The following ARHGAP32 variants were observed in gnomAD, a reference collection of about 807,000 sequenced individuals.
The protein encoded by ARHGAP32 is Rho GTPase activating protein 32, also known as rho GTPase-activating protein 32.
In ARHGAP32, 51 loss-of-function variants were observed where a neutral mutation model predicts 186.5. The ratio of observed to expected loss-of-function variants is 0.27; its 90% CI spans 0.22 to 0.35. The LOEUF is 0.35. ARHGAP32 is among the 10% of genes least tolerant of loss of function. ARHGAP32 has a pLI of 1.00. For synonymous variants in ARHGAP32, 950 were observed against 964.3 expected, an observed-to-expected ratio of 0.99 and a Z score of 0.27; for missense variants, 2,186 against 2,623.5, an observed-to-expected ratio of 0.83 and a Z score of 3.64.
intron 1 of ARHGAP32, among the ~76,000 whole-genome samples, chr11:129,242,559 A>C (rs1305110119): frequency 1.3e-5 from 2 of 151,996 alleles, no homozygotes. Flanking sequence ...TCTACTAAAA[A>C]TACAAAAAAT....
At chr11:129,041,374 T>C (rs1939585351) in intron 10 of ARHGAP32, among the ~76,000 whole-genome samples, 1 of 152,254 alleles carries the variant, frequency 6.6e-6, no homozygotes, top group East Asian at 1.9e-4. Flanking sequence ...AATCCAGTTA[T>C]GTTGATACCT....
intron 5 of ARHGAP32, among the ~76,000 whole-genome samples, chr11:129,098,174 C>G (rs974512838): frequency 2.0e-5 from 3 of 152,144 alleles, no homozygotes; most frequent in African/African-American, 7.2e-5. Context: ...ACCTGCCAAA[C>G]AGAAATTCTC....
At chr11:129,124,587 C>A (rs755802701) in intron 3 of ARHGAP32, among the ~76,000 whole-genome samples, 1 of 152,054 alleles carries the variant, frequency 6.6e-6, no homozygotes, top group African/African-American at 2.4e-5. Flanking sequence ...CAGAAAATGA[C>A]ATAAGTTGCT....
At chr11:129,247,203 T>G (rs1292659680) in intron 1 of ARHGAP32, among the ~76,000 whole-genome samples, 3 of 152,088 alleles carry the variant, frequency 2.0e-5, no homozygotes, top group Non-Finnish European at 4.4e-5. Context: ...CGCCCCCATA[T>G]AAACAACTCT....
At chr11:129,137,145 A>G (rs2022924599) in intron 2 of ARHGAP32, among the ~76,000 whole-genome samples, 1 of 151,940 alleles carries the variant, frequency 6.6e-6, no homozygotes, top group African/African-American at 2.4e-5. Flanking sequence ...ATGAACTGAA[A>G]AAAAAAAGCA....
chr11:129,122,643 AG>A (rs1440218537), intron 5 of ARHGAP32, among the ~76,000 whole-genome samples: 1 of 152,148 alleles, frequency 6.6e-6, no homozygotes, highest in African/African-American at 2.4e-5. Context: ...TAAATCCTAT[AG>A]ATCAAATTCA....
chr11:129,089,493 T>A (rs1184971084), intron 6 of ARHGAP32, among the ~76,000 whole-genome samples: 4 of 152,126 alleles, frequency 2.6e-5, no homozygotes, highest in Non-Finnish European at 4.4e-5. Flanking sequence ...CATGGGATGA[T>A]CAAAGTACAG....
chr11:129,049,886 T>C (rs905111433), intron 10 of ARHGAP32, among the ~76,000 whole-genome samples: 1 of 152,204 alleles, frequency 6.6e-6, no homozygotes, highest in Admixed American at 6.5e-5. Context: ...TGTAAACAGT[T>C]AGATCGTGTG....
chr11:129,273,800 C>T (rs1044307410), intron 1 of ARHGAP32, among the ~76,000 whole-genome samples: 1 of 152,094 alleles, frequency 6.6e-6, no homozygotes, highest in African/African-American at 2.4e-5. Flanking sequence ...AAGGATTTTA[C>T]TATTTTTAGG....
At chr11:129,225,297 G>T (rs1944765471) in intron 1 of ARHGAP32, among the ~76,000 whole-genome samples, 1 of 152,056 alleles carries the variant, frequency 6.6e-6, no homozygotes, top group Non-Finnish European at 1.5e-5. Flanking sequence ...ACATGTACAG[G>T]GCTGTGTGTA....
intron 1 of ARHGAP32, among the ~76,000 whole-genome samples, chr11:129,278,376 G>A (rs1278747699): frequency 1.3e-5 from 2 of 152,146 alleles, no homozygotes; most frequent in Non-Finnish European, 2.9e-5. Flanking sequence ...TTCTGCTTGG[G>A]TCTCCTCCTT....
At chr11:129,207,308 C>T (rs937736341) in intron 1 of ARHGAP32, among the ~76,000 whole-genome samples, 2 of 152,110 alleles carry the variant, frequency 1.3e-5, no homozygotes, top group African/African-American at 2.4e-5. Context: ...CTTGAGGAAT[C>T]GTCACACTGT....
At chr11:129,180,829 G>A (rs922215013) in intron 1 of ARHGAP32, among the ~76,000 whole-genome samples, 2 of 152,078 alleles carry the variant, frequency 1.3e-5, no homozygotes, top group African/African-American at 4.8e-5. Flanking sequence ...AAAAATAGGA[G>A]AGAAAACTAC....
At chr11:129,181,664 G>A (rs953950489) in intron 1 of ARHGAP32, among the ~76,000 whole-genome samples, 3 of 152,006 alleles carry the variant, frequency 2.0e-5, no homozygotes, top group Admixed American at 1.3e-4. Flanking sequence ...CTCTAACACC[G>A]ATGAGGACAG....
At chr11:129,066,107 T>TA (rs1227202212) in intron 7 of ARHGAP32, among the ~76,000 whole-genome samples, 1 of 152,166 alleles carries the variant, frequency 6.6e-6, no homozygotes, top group Non-Finnish European at 1.5e-5. Flanking sequence ...AAGCCTTGTT[T>TA]GTACCTCTCA....
chr11:129,224,986 G>A (rs979042025), intron 1 of ARHGAP32, among the ~76,000 whole-genome samples: 1 of 151,844 alleles, frequency 6.6e-6, no homozygotes, highest in African/African-American at 2.4e-5. Context: ...TGGTGCATAC[G>A]TGTAGTCCCA....
At chr11:129,147,723 T>G (rs576521662) in intron 2 of ARHGAP32, among the ~76,000 whole-genome samples, 1 of 152,332 alleles carries the variant, frequency 6.6e-6, no homozygotes, top group African/African-American at 2.4e-5. Flanking sequence ...GTATGGTAAT[T>G]TTTGAATTCT....
chr11:129,115,118 C>T (rs1942329974), intron 5 of ARHGAP32, among the ~76,000 whole-genome samples: 2 of 152,068 alleles, frequency 1.3e-5, no homozygotes, highest in Non-Finnish European at 2.9e-5. Flanking sequence ...TTTCTTTCAC[C>T]TCACAGCCTG....
chr11:129,030,559 T>C (rs1297514411), intron 11 of ARHGAP32: 3 of 152,052 alleles, frequency 2.0e-5, no homozygotes, highest in Non-Finnish European at 4.4e-5. Context: ...ACACATGCAC[T>C]TAACTAGTCT....
Sources: gnomAD v4.1 joint callset for allele counts (sites outside exome capture counted in the v4.1 genomes callset) on GRCh38, gnomAD v4.1.1 for gene constraint, MANE v1.5 for transcripts, NCBI Gene and HGNC (gene_info 2026-07-23, HGNC 2026-07-21) for gene names.